The following TENM3 variants were observed in gnomAD, a reference collection of about 807,000 sequenced individuals.
TENM3 encodes teneurin-3.
Under a neutral mutation model 255.1 loss-of-function variants are expected in TENM3, and 63 were observed. The ratio of observed to expected loss-of-function variants is 0.25; its 90% CI spans 0.20 to 0.30. TENM3 has a LOEUF of 0.30. Among genes scored for constraint, TENM3 ranks in the 10% least tolerant of loss-of-function variants. The pLI is 1.00. For synonymous variants in TENM3, 1,306 were observed against 1,322.3 expected (o/e 0.99, Z 0.27); for missense variants, 2,929 against 3,461.1 (o/e 0.85, Z 3.86).
At chr4:182,294,317 A>G (rs1761326942) in intron 1 of TENM3, among the ~76,000 whole-genome samples, 1 of 152,170 alleles carries the variant, frequency 6.6e-6, no homozygotes, top group African/African-American at 2.4e-5. Context: ...CTGAAGATCT[A>G]GATCCCAGGT....
At chr4:182,538,410 T>G (rs191643587) in intron 3 of TENM3, among the ~76,000 whole-genome samples, 2 of 152,126 alleles carry the variant, frequency 1.3e-5, no homozygotes, top group East Asian at 3.9e-4. Flanking sequence ...GGTGAGGACA[T>G]ACCTGGGGAC....
chr4:182,239,031 TTATGTGTGTG>T (rs1276287233), upstream of TENM3, among the ~76,000 whole-genome samples: 1 of 110,372 alleles, frequency 9.1e-6, no homozygotes, highest in Non-Finnish European at 1.9e-5. Flanking sequence ...TTAAAAATCT[TTATGTGTGTG>T]TGTGTGTGTG....
chr4:182,580,332 G>T (rs1223936750), intron 3 of TENM3, among the ~76,000 whole-genome samples: 1 of 149,378 alleles, frequency 6.7e-6, no homozygotes, highest in Non-Finnish European at 1.5e-5. Context: ...TTAGAGGGGG[G>T]CACTCTCCTA....
At chr4:182,694,075 G>A (rs1401378852) in intron 12 of TENM3, among the ~76,000 whole-genome samples, 1 of 151,814 alleles carries the variant, frequency 6.6e-6, no homozygotes, top group Admixed American at 6.6e-5. Flanking sequence ...TTGGGTTAAG[G>A]GTTTGAGGGT....
chr4:181,768,507 G>A, the TENM3 span, among the ~76,000 whole-genome samples: 1 of 152,140 alleles, frequency 6.6e-6, no homozygotes, highest in Non-Finnish European at 1.5e-5. Flanking sequence ...AGGCAAAATT[G>A]CAATTATTCA....
At chr4:182,775,197 T>C (rs752911588) in intron 24 of TENM3, 44 bp downstream of exon 24, 3 of 1,566,044 alleles carry the variant, frequency 1.9e-6, no homozygotes, top group Non-Finnish European at 2.6e-6. Context: ...AGCCCTCTGA[T>C]CTGTGCAGAT....
intron 3 of TENM3, among the ~76,000 whole-genome samples, chr4:182,480,644 CTG>C (rs1284050624): frequency 1.4e-4 from 21 of 151,984 alleles, no homozygotes; most frequent in African/African-American, 4.3e-4. Flanking sequence ...ATTTGGAACT[CTG>C]TATCTTTGAA....
At chr4:182,698,042 C>A (rs954334053) in intron 12 of TENM3, 1 of 152,142 alleles carries the variant, frequency 6.6e-6, no homozygotes, top group Non-Finnish European at 1.5e-5. Flanking sequence ...GGACATGGAG[C>A]CTTGGGTTCC....
At chr4:182,115,815 C>A in the TENM3 span, among the ~76,000 whole-genome samples, 1 of 152,054 alleles carries the variant, frequency 6.6e-6, no homozygotes, top group African/African-American at 2.4e-5. Flanking sequence ...CCAGCACTCT[C>A]ATGTTATCAA....
At chr4:182,742,467 A>G (rs920039772) in intron 18 of TENM3, among the ~76,000 whole-genome samples, 14 of 152,342 alleles carry the variant, frequency 9.2e-5, no homozygotes, top group African/African-American at 2.6e-4. Flanking sequence ...ATGAGAGTGT[A>G]CGCAGGAATA....
chr4:181,888,524 A>ATATATATATATATATATATATATATG, the TENM3 span, among the ~76,000 whole-genome samples: 1 of 91,596 alleles, frequency 1.1e-5, no homozygotes, highest in Non-Finnish European at 2.1e-5. Flanking sequence ...ATGTATATAT[A>ATATATATATATATATATATATATATG]TACATATATG....
chr4:182,705,896 A>G (rs1336493166), intron 12 of TENM3, among the ~76,000 whole-genome samples: 1 of 152,096 alleles, frequency 6.6e-6, no homozygotes, highest in Admixed American at 6.6e-5. Flanking sequence ...TATCTTGCCC[A>G]CTGGTTTTCC....
chr4:181,782,992 G>C, the TENM3 span, among the ~76,000 whole-genome samples: 1 of 152,168 alleles, frequency 6.6e-6, no homozygotes, highest in Non-Finnish European at 1.5e-5. Flanking sequence ...GAGACAGTTT[G>C]TCATAATTTC....
At chr4:181,470,123 A>AAG in the TENM3 span, among the ~76,000 whole-genome samples, 238 of 149,698 alleles carry the variant, frequency 1.6e-3, 4 homozygotes, top group Middle Eastern at 6.9e-3. Context: ...AAAAAAAAAA[A>AAG]AACATTATTC....
the TENM3 span, among the ~76,000 whole-genome samples, chr4:181,712,072 A>G: frequency 6.6e-6 from 1 of 152,176 alleles, no homozygotes; most frequent in Non-Finnish European, 1.5e-5. Flanking sequence ...AAGAGAAAAT[A>G]TTTCATTTAT....
intron 4 of TENM3, among the ~76,000 whole-genome samples, chr4:182,606,274 A>G (rs1212909870): frequency 6.6e-6 from 1 of 152,184 alleles, no homozygotes; most frequent in African/African-American, 2.4e-5. Flanking sequence ...CTGTAATCCC[A>G]GCACTTTGGG....
intron 3 of TENM3, among the ~76,000 whole-genome samples, chr4:182,542,675 T>G (rs1447389999): frequency 6.6e-6 from 1 of 152,198 alleles, no homozygotes; most frequent in African/African-American, 2.4e-5. Flanking sequence ...CCGTGTACTC[T>G]TTCATGATGA....
chr4:181,604,474 T>C, the TENM3 span, among the ~76,000 whole-genome samples: 2 of 151,256 alleles, frequency 1.3e-5, no homozygotes, highest in African/African-American at 2.5e-5. Flanking sequence ...CATCTCAGTC[T>C]TCCCCCACCC....
chr4:182,255,313 A>G (rs1444628250), intron 1 of TENM3, among the ~76,000 whole-genome samples: 4 of 152,136 alleles, frequency 2.6e-5, no homozygotes, highest in African/African-American at 9.7e-5. Flanking sequence ...CTTTGTAAAC[A>G]TTTTTAAACA....
Sources: allele counts gnomAD v4.1 joint callset (sites outside exome capture counted in the v4.1 genomes callset), GRCh38; gene constraint gnomAD v4.1.1; transcripts MANE v1.5; gene names NCBI Gene and HGNC (gene_info 2026-07-23, HGNC 2026-07-21).